STX18: variants seen among roughly 807,000 people sequenced by gnomAD.
STX18 encodes syntaxin 18.
STX18 carries 40 observed loss-of-function variants against 50.1 expected under a neutral mutation model. The ratio of observed to expected loss-of-function variants is 0.80; its 90% confidence interval spans 0.62 to 1.04. The LOEUF is 1.04. Among genes scored for constraint, STX18 ranks in the 50% least tolerant of loss-of-function variants. The pLI, the probability that STX18 is intolerant of heterozygous loss-of-function variation, is 0.00. For synonymous variants in STX18, 158 were observed against 151.8 expected, an observed-to-expected ratio of 1.04 and a Z score of -0.30; for missense variants, 410 against 415.8, an observed-to-expected ratio of 0.99 and a Z score of 0.12.
intron 1 of STX18, among the ~76,000 whole-genome samples, chr4:4,522,341 G>A (rs1026198614): frequency 3.3e-5 from 5 of 152,172 alleles, no homozygotes; most frequent in Admixed American, 6.6e-5. Flanking sequence ...TTAAAAAAAC[G>A]TAATGGAGTA....
chr4:4,469,994 CT>C (rs1727831488), intron 2 of STX18, among the ~76,000 whole-genome samples: 1 of 152,194 alleles, frequency 6.6e-6, no homozygotes, highest in Admixed American at 6.5e-5. Context: ...TGGTTCTACT[CT>C]TCCTTTTCTT....
chr4:4,479,230 A>G (rs1728343301), intron 1 of STX18, among the ~76,000 whole-genome samples: 1 of 152,210 alleles, frequency 6.6e-6, no homozygotes, highest in Non-Finnish European at 1.5e-5. Context: ...AGGTATCATT[A>G]TTACCCTTTT....
intron 1 of STX18, chr4:4,507,246 A>T (rs1187998039): frequency 1.5e-6 from 1 of 669,270 alleles, no homozygotes; most frequent in African/African-American, 1.8e-5. Flanking sequence ...CATACTTTAC[A>T]GTGTACTATA....
At chr4:4,483,011 G>A (rs1019528090) in intron 1 of STX18, among the ~76,000 whole-genome samples, 1 of 152,204 alleles carries the variant, frequency 6.6e-6, no homozygotes, top group Non-Finnish European at 1.5e-5. Context: ...TTTAGAGACA[G>A]AAGGAGAGAA....
chr4:4,516,435 T>C (rs1374338460), intron 1 of STX18, among the ~76,000 whole-genome samples: 2 of 152,218 alleles, frequency 1.3e-5, no homozygotes, highest in Admixed American at 6.5e-5. Flanking sequence ...ATCTCGTACA[T>C]ATTTTCTGAA....
rs1358771253 is a variant in STX18 at position 4,489,366 on chromosome 4, A to AGCAC, written c.169-17664_169-17661dup. On this transcript the variant is annotated intron_variant, in intron 1 of 10. Transcript: ENST00000306200. ...GGAGTGAACAAGGCAAGAAACTCAA[A>AGCAC]GCACTTCAATACACATGCAAAATAA... Among the ~76,000 whole-genome samples the AGCAC allele has an allele frequency of 2.0e-5, 3 of 149,016 alleles. No homozygotes were observed. In the South Asian group the frequency reaches 6.5e-4, roughly 32 times the overall value.
chr4:4,535,117 T>C (rs928788935), intron 1 of STX18, among the ~76,000 whole-genome samples: 3 of 152,200 alleles, frequency 2.0e-5, no homozygotes, highest in African/African-American at 7.2e-5. Context: ...TTTTTCTCCT[T>C]AAAAGCCAAG....
At chr4:4,530,447 A>G (rs1010822232) in intron 1 of STX18, among the ~76,000 whole-genome samples, 2 of 151,784 alleles carry the variant, frequency 1.3e-5, no homozygotes, top group Non-Finnish European at 2.9e-5. Flanking sequence ...ACATTTACCT[A>G]ACAATTTCTC....
chr4:4,490,514 C>T (rs560079672), intron 1 of STX18, among the ~76,000 whole-genome samples: 2 of 152,188 alleles, frequency 1.3e-5, no homozygotes, highest in South Asian at 4.1e-4. Flanking sequence ...GAAACGTTTT[C>T]CCTCCTATTT....
intron 1 of STX18, among the ~76,000 whole-genome samples, chr4:4,480,615 A>G (rs1728413675): frequency 6.6e-6 from 1 of 152,222 alleles, no homozygotes; most frequent in African/African-American, 2.4e-5. Flanking sequence ...TGGCTCCTCA[A>G]TAACTATTTA....
chr4:4,444,426 A>G lies in STX18; in HGVS notation c.498-5917T>C, dbSNP rs374098391. On this transcript the variant is annotated intron_variant, in intron 5 of 10. Coordinates refer to ENST00000306200, the MANE Select transcript of STX18 (RefSeq NM_016930.4). The stretch of plus-strand genomic sequence containing the variant: ...ACGGCCTGCTATGCTAGCACTTCAC[A>G]TCTACATCACTGACCCCCAATGAAA... Among the ~76,000 whole-genome samples the G allele has an allele frequency of 9.2e-5, 14 of 152,292 alleles. No homozygotes were observed. The East Asian group carries it at 2.7e-3, about 29-fold the overall frequency.
At chr4:4,459,908 G>A (rs1310904619) in intron 2 of STX18, among the ~76,000 whole-genome samples, 1 of 152,184 alleles carries the variant, frequency 6.6e-6, no homozygotes, top group Admixed American at 6.5e-5. Flanking sequence ...TCCCACCTCA[G>A]GACCTTTACA....
At chr4:4,509,940 G>C (rs1729921964) in intron 1 of STX18, among the ~76,000 whole-genome samples, 2 of 152,194 alleles carry the variant, frequency 1.3e-5, no homozygotes, top group Admixed American at 1.3e-4. Context: ...GTGAAGAACA[G>C]CAAGGAGACT....
chr4:4,534,924 T>C (rs904793261), intron 1 of STX18, among the ~76,000 whole-genome samples: 2 of 152,258 alleles, frequency 1.3e-5, no homozygotes, highest in East Asian at 1.9e-4. Context: ...GGCCAGTTTG[T>C]GGACCCCTGC....
At chr4:4,505,761 C>T (rs1399081315) in intron 1 of STX18, among the ~76,000 whole-genome samples, 1 of 152,164 alleles carries the variant, frequency 6.6e-6, no homozygotes, top group Non-Finnish European at 1.5e-5. Context: ...GCACTCCAGC[C>T]TGGGTGACAG....
intron 5 of STX18, among the ~76,000 whole-genome samples, chr4:4,449,406 C>A (rs1278497617): frequency 6.6e-6 from 1 of 152,140 alleles, no homozygotes; most frequent in Non-Finnish European, 1.5e-5. Context: ...TTTATAACAA[C>A]AGCATCACAC....
Position 4,484,147 on chromosome 4 carries a change from C to T in STX18, c.169-12441G>A, listed in dbSNP as rs927893645. ...AAAGTGCTGGGATTACAGGTGTGAG[C>T]CACCGTGCCCGGCCCCTTCCTCTCA... On this transcript the variant is annotated intron_variant, in intron 1 of 10. Coordinates refer to ENST00000306200, the MANE Select transcript of STX18 (RefSeq NM_016930.4). Among the ~76,000 whole-genome samples the T allele has an allele frequency of 2.6e-5, 4 of 152,188 alleles. No homozygotes were observed. The East Asian group carries it at 5.8e-4, about 22-fold the overall frequency.
At chr4:4,484,598 CT>C (rs1460768677) in intron 1 of STX18, among the ~76,000 whole-genome samples, 1 of 152,172 alleles carries the variant, frequency 6.6e-6, no homozygotes, top group Non-Finnish European at 1.5e-5. Flanking sequence ...CCGGAGACCC[CT>C]CCCTGTAGAC....
chr4:4,431,752 C>T (rs747772599), intron 7 of STX18, among the ~76,000 whole-genome samples: 8 of 152,184 alleles, frequency 5.3e-5, no homozygotes, highest in Non-Finnish European at 1.0e-4. Flanking sequence ...TGATGACCCA[C>T]GTCAGAAAGC....
Sources: gnomAD v4.1 joint callset for allele counts (sites outside exome capture counted in the v4.1 genomes callset) on GRCh38, gnomAD v4.1.1 for gene constraint, MANE v1.5 for transcripts, NCBI Gene and HGNC (gene_info 2026-07-23, HGNC 2026-07-21) for gene names.